Variants in FAM13C observed in about 807,000 individuals in gnomAD.
FAM13C encodes the protein protein FAM13C.
Under a neutral mutation model 73.2 loss-of-function variants are expected in FAM13C, and 37 were observed. That is an observed-to-expected ratio of 0.51 (90% confidence interval 0.39 to 0.67). FAM13C has a LOEUF of 0.67. FAM13C is among the 30% of genes least tolerant of loss of function. The pLI, the probability that FAM13C is intolerant of heterozygous loss-of-function variation, is 0.00. For missense variants in FAM13C, 589 were observed against 715.6 expected, an observed-to-expected ratio of 0.82 and a Z score of 2.02; for synonymous variants, 246 against 260.9, an observed-to-expected ratio of 0.94 and a Z score of 0.55.
At chr10:59,292,284 C>T (rs1208227849) in intron 5 of FAM13C, among the ~76,000 whole-genome samples, 2 of 152,216 alleles carry the variant, frequency 1.3e-5, no homozygotes, top group Non-Finnish European at 2.9e-5. Context: ...TTTCCCAGAA[C>T]ATTAATTAAA....
At chr10:59,353,662 GA>G (rs1286918859) in intron 2 of FAM13C, among the ~76,000 whole-genome samples, 1 of 152,200 alleles carries the variant, frequency 6.6e-6, no homozygotes, top group Non-Finnish European at 1.5e-5. Context: ...CATCAGGAAG[GA>G]TGAGTTCCAG....
At chr10:59,327,033 A>G (rs528007775) in intron 3 of FAM13C, among the ~76,000 whole-genome samples, 1 of 152,306 alleles carries the variant, frequency 6.6e-6, no homozygotes, top group South Asian at 2.1e-4. Context: ...GCATCCATCA[A>G]TTTTAAGAAA....
At chr10:59,302,681 T>C in intron 5 of FAM13C, 120 bp downstream of exon 5, 2 of 875,938 alleles carry the variant, frequency 2.3e-6, no homozygotes, top group South Asian at 3.2e-5. Flanking sequence ...TATTACAAGT[T>C]CACTTAAAAG....
At chr10:59,354,875 C>G (rs569924017) in intron 2 of FAM13C, among the ~76,000 whole-genome samples, 1 of 152,112 alleles carries the variant, frequency 6.6e-6, no homozygotes, top group African/African-American at 2.4e-5. Context: ...AGGGTTCCTA[C>G]CATCCTGAAC....
intron 9 of FAM13C, among the ~76,000 whole-genome samples, chr10:59,263,708 T>G (rs561862521): frequency 3.2e-4 from 49 of 152,300 alleles, no homozygotes; most frequent in Non-Finnish European, 4.7e-4. Flanking sequence ...CCCCTCTCTA[T>G]GAGCATAAAT....
chr10:59,300,105 C>T (rs776493745), intron 5 of FAM13C, among the ~76,000 whole-genome samples: 3 of 152,138 alleles, frequency 2.0e-5, no homozygotes, highest in Admixed American at 6.5e-5. Flanking sequence ...CATGGATACG[C>T]TACACCATGT....
intron 5 of FAM13C, 79 bp from the exon 6 acceptor site, chr10:59,283,526 G>A: frequency 7.1e-7 from 1 of 1,417,064 alleles, no homozygotes; most frequent in Middle Eastern, 1.8e-4. Context: ...AGCAAAAGCA[G>A]AACATGAGGC....
chr10:59,291,038 GA>G (rs2133772380), intron 5 of FAM13C, among the ~76,000 whole-genome samples: 1 of 152,278 alleles, frequency 6.6e-6, no homozygotes, highest in East Asian at 1.9e-4. Context: ...TTCAACACAA[GA>G]AGTCCAAGGG....
intron 3 of FAM13C, among the ~76,000 whole-genome samples, chr10:59,350,731 C>T (rs1325326039): frequency 6.6e-6 from 1 of 152,144 alleles, no homozygotes; most frequent in Non-Finnish European, 1.5e-5. Flanking sequence ...ATAAAAATCA[C>T]AAAGCAAATA....
chr10:59,355,982 G>A (rs776809095), intron 1 of FAM13C, 39 bp from the exon 2 acceptor site: 2 of 1,577,836 alleles, frequency 1.3e-6, no homozygotes, highest in South Asian at 1.1e-5. Context: ...AGATCCAATT[G>A]TCTGCTATAG....
intron 7 of FAM13C, among the ~76,000 whole-genome samples, chr10:59,269,568 G>A (rs183955978): frequency 6.6e-6 from 1 of 152,282 alleles, no homozygotes; most frequent in East Asian, 1.9e-4. Context: ...CACTGGACAT[G>A]GAAAGAATAT....
intron 6 of FAM13C, among the ~76,000 whole-genome samples, chr10:59,271,336 G>C (rs1011685267): frequency 6.6e-6 from 1 of 152,238 alleles, no homozygotes; most frequent in African/African-American, 2.4e-5. Flanking sequence ...TCTAGAGCTT[G>C]AAATGCAATC....
intron 5 of FAM13C, among the ~76,000 whole-genome samples, chr10:59,291,850 G>GC (rs1329499398): frequency 1.6e-4 from 23 of 143,766 alleles, no homozygotes; most frequent in African/African-American, 6.1e-4. Flanking sequence ...GTGCAGTGGT[G>GC]TGATCTCGGC....
chr10:59,250,796 CTTCA>C (rs2133359866), intron 13 of FAM13C, among the ~76,000 whole-genome samples: 1 of 152,278 alleles, frequency 6.6e-6, no homozygotes, highest in Non-Finnish European at 1.5e-5. Flanking sequence ...AAGTTACACT[CTTCA>C]TTTATTTATT....
chr10:59,308,967 T>G (rs1306384861), intron 4 of FAM13C, among the ~76,000 whole-genome samples: 1 of 152,214 alleles, frequency 6.6e-6, no homozygotes, highest in East Asian at 1.9e-4. Context: ...AGTGTCAAAC[T>G]GCAGGATGTG....
intron 5 of FAM13C, among the ~76,000 whole-genome samples, chr10:59,291,349 TAA>T (rs1846198965): frequency 6.6e-6 from 1 of 152,200 alleles, no homozygotes; most frequent in South Asian, 2.1e-4. Flanking sequence ...TCCCCTAAAG[TAA>T]AGACATTGGA....
At chr10:59,324,602 A>T (rs1360763600) in intron 3 of FAM13C, among the ~76,000 whole-genome samples, 2 of 152,112 alleles carry the variant, frequency 1.3e-5, no homozygotes, top group Admixed American at 1.3e-4. Flanking sequence ...ATGTTTATTT[A>T]TTTTTGGGAG....
chr10:59,283,788 A>G, intron 5 of FAM13C: 2 of 503,080 alleles, frequency 4.0e-6, no homozygotes, highest in South Asian at 7.0e-5. Flanking sequence ...TGGAGAACCA[A>G]TCTGAGAAGA....
chr10:59,267,829 C>T (rs142154583), intron 8 of FAM13C, among the ~76,000 whole-genome samples: 1 of 152,268 alleles, frequency 6.6e-6, no homozygotes, highest in Admixed American at 6.5e-5. Context: ...CTGCCGAAGA[C>T]CCAATGTCTT....
Sources: allele counts gnomAD v4.1 joint callset (sites outside exome capture counted in the v4.1 genomes callset), GRCh38; gene constraint gnomAD v4.1.1; transcripts MANE v1.5; gene names NCBI Gene and HGNC (gene_info 2026-07-23, HGNC 2026-07-21).